The following MAP4 variants were observed in gnomAD, a reference collection of about 807,000 sequenced individuals.
MAP4 encodes the protein microtubule associated protein 4, also known as microtubule-associated protein 4.
MAP4 carries 76 observed loss-of-function variants against 170.2 expected under a neutral mutation model. The ratio of observed to expected loss-of-function variants is 0.45; its 90% CI spans 0.37 to 0.54. The LOEUF is 0.54. MAP4 is among the 20% of genes least tolerant of loss of function. MAP4 has a pLI of 0.00. For missense variants in MAP4, 2,506 were observed against 2,748.0 expected (o/e 0.91, Z 1.97); for synonymous variants, 909 against 994.5 (o/e 0.91, Z 1.62).
chr3:47,925,473 G>A (rs1428658475), intron 4 of MAP4, among the ~76,000 whole-genome samples: 1 of 152,186 alleles, frequency 6.6e-6, no homozygotes, highest in Non-Finnish European at 1.5e-5. Context: ...CTGGGCGACA[G>A]AGGGAGATTC....
intron 2 of MAP4, among the ~76,000 whole-genome samples, chr3:47,981,793 T>C (rs1175572204): frequency 2.0e-5 from 3 of 151,544 alleles, no homozygotes; most frequent in Admixed American, 2.0e-4. Context: ...TTTATTCCCA[T>C]ATATTTACCT....
intron 3 of MAP4, among the ~76,000 whole-genome samples, chr3:47,939,014 T>C (rs1482965186): frequency 6.6e-6 from 1 of 152,216 alleles, no homozygotes; most frequent in Non-Finnish European, 1.5e-5. Flanking sequence ...AGGAAAGTCA[T>C]GCAGTAAGTA....
chr3:47,927,273 C>T (rs2100046584), intron 4 of MAP4, among the ~76,000 whole-genome samples: 1 of 151,888 alleles, frequency 6.6e-6, no homozygotes, highest in African/African-American at 2.4e-5. Flanking sequence ...ACATCACATA[C>T]TAGGTTATTT....
intron 3 of MAP4, among the ~76,000 whole-genome samples, chr3:47,953,725 A>G (rs2100066005): frequency 1.6e-5 from 2 of 124,492 alleles, no homozygotes; most frequent in Non-Finnish European, 3.3e-5. Flanking sequence ...TGAGAAATCC[A>G]TTAGTGAGGT....
At chr3:47,965,620 T>G (rs1484357274) in intron 3 of MAP4, among the ~76,000 whole-genome samples, 1 of 152,232 alleles carries the variant, frequency 6.6e-6, no homozygotes, top group Non-Finnish European at 1.5e-5. Context: ...GATATTTCAT[T>G]GTGGTTTTGA....
rs540792451 is a variant in MAP4 at position 48,086,239 on chromosome 3, C to T, written c.-20+2534G>A. Among the ~76,000 whole-genome samples, 4 of 152,190 alleles carry T rather than the reference C, an allele frequency of 2.6e-5. No homozygotes were observed. The East Asian group carries it at 7.7e-4, about 29-fold the overall frequency. On this transcript the variant is annotated intron_variant, in intron 1 of 18. Transcript: ENST00000360240. ...TCAGGAAGCTGAGGCAGGAGAATCACTTGAACCTGGGAGGCAGAGGTTGCA... is the reference window on the plus strand; with the variant it reads ...TCAGGAAGCTGAGGCAGGAGAATCATTTGAACCTGGGAGGCAGAGGTTGCA...
rs1559494809 is a variant in MAP4 at position 47,928,364 on chromosome 3, CACAAA to C, written c.293-19_293-15del. On this transcript the variant is annotated splice_polypyrimidine_tract_variant and intron_variant, in intron 3 of 20. Transcript: ENST00000683076. ...CAGTTGGAGACCCTTAAAATAGAGA[CACAAA>C]ACAAAAGTTACAAGATATTACAGTT... 1.2e-6 allele frequency: 2 copies of C among 1,613,336 alleles called. No homozygotes were observed. Among genetic ancestry groups the C allele is most frequent in the South Asian group, 2.2e-5 (2 of 90,964 alleles).
chr3:47,900,423 A>G (rs1239891914), intron 10 of MAP4, among the ~76,000 whole-genome samples: 1 of 152,168 alleles, frequency 6.6e-6, no homozygotes, highest in African/African-American at 2.4e-5. Context: ...TGAACCAAAG[A>G]CATGAAAATG....
intron 1 of MAP4, among the ~76,000 whole-genome samples, chr3:48,048,346 G>A (rs557626446): frequency 2.2e-4 from 33 of 151,900 alleles, no homozygotes; most frequent in African/African-American, 7.7e-4. Flanking sequence ...TTTGGATGCT[G>A]TGCCTCCTAA....
At chr3:47,884,701 C>T (rs1478895947) in intron 10 of MAP4, among the ~76,000 whole-genome samples, 2 of 152,124 alleles carry the variant, frequency 1.3e-5, no homozygotes, top group Admixed American at 6.5e-5. Context: ...CTCTGGACTG[C>T]TCTCTGGCTG....
chr3:48,057,968 C>T (rs1196318322), intron 1 of MAP4, among the ~76,000 whole-genome samples: 1 of 152,130 alleles, frequency 6.6e-6, no homozygotes, highest in African/African-American at 2.4e-5. Context: ...AGACTTAAGG[C>T]TGAACTATGA....
At chr3:47,971,317 T>A (rs574442748) in intron 3 of MAP4, among the ~76,000 whole-genome samples, 1 of 152,354 alleles carries the variant, frequency 6.6e-6, no homozygotes, top group South Asian at 2.1e-4. Flanking sequence ...CTCCAATAGC[T>A]GTTCAGAAAC....
At chr3:47,981,029 C>T (rs1189846012) in intron 2 of MAP4, among the ~76,000 whole-genome samples, 1 of 152,078 alleles carries the variant, frequency 6.6e-6, no homozygotes, top group African/African-American at 2.4e-5. Flanking sequence ...AATTTGGCAG[C>T]CTATCAAATT....
chr3:47,999,991 G>A (rs1014630115), intron 1 of MAP4, among the ~76,000 whole-genome samples: 2 of 151,902 alleles, frequency 1.3e-5, no homozygotes, highest in African/African-American at 2.4e-5. Flanking sequence ...GAGGCAGGAG[G>A]ATCACTTGAG....
chr3:48,035,389 T>A (rs777030590), intron 1 of MAP4, among the ~76,000 whole-genome samples: 11 of 151,672 alleles, frequency 7.3e-5, no homozygotes, highest in Non-Finnish European at 1.6e-4. Context: ...ATCCCAGCAC[T>A]TTGGGAGGCC....
intron 1 of MAP4, among the ~76,000 whole-genome samples, chr3:48,065,405 G>A (rs2100137857): frequency 6.6e-6 from 1 of 152,146 alleles, no homozygotes. Flanking sequence ...CATGTGATTT[G>A]TATGCACACT....
chr3:47,952,663 AAAAAAT>A (rs879424782), intron 3 of MAP4, among the ~76,000 whole-genome samples: 10 of 151,498 alleles, frequency 6.6e-5, no homozygotes, highest in African/African-American at 1.2e-4. Flanking sequence ...TAAATTAAAA[AAAAAAT>A]AAAAATAAAA....
chr3:47,885,815 G>A (rs900819223), intron 10 of MAP4, among the ~76,000 whole-genome samples: 1 of 149,250 alleles, frequency 6.7e-6, no homozygotes, highest in African/African-American at 2.5e-5. Flanking sequence ...TGCAAGCTCC[G>A]CCTCCTGGGT....
chr3:47,867,297 C>A lies in MAP4; in HGVS notation c.6450G>T (p.Gln2150His), dbSNP rs1334592674. 1 of 1,613,814 alleles carries A rather than the reference C, an allele frequency of 6.2e-7. No individual in the cohort carries two copies. The highest frequency in any genetic ancestry group is 1.1e-5 in the South Asian group (1 of 91,018). The stretch of plus-strand genomic sequence containing the variant: ...TATTGTCCTTGGAACCACACTTGGA[C>A]TGAATATGGCTGTAGCTCACTTTTT... Reference protein sequence around the residue: ...VSKKVSYSHIQSKCGSKDNIK... With the variant: ...VSKKVSYSHIHSKCGSKDNIK... Residue 2150 changes from glutamine (Q) to histidine (H), a missense_variant, in exon 17 of 21, where the codon CAG (glutamine) becomes CAT (histidine). Physicochemically the swap from Gln to His is conservative, Grantham distance 24. Around this residue, in one of 3 missense-constraint regions of MAP4, gnomAD observed 487 missense variants for 511.6 expected, o/e 0.95. Coordinates refer to ENST00000683076, the MANE Select transcript of MAP4 (RefSeq NM_001385682.1).
Sources: allele counts gnomAD v4.1 joint callset (sites outside exome capture counted in the v4.1 genomes callset), GRCh38; gene constraint gnomAD v4.1.1; regional missense constraint gnomAD v4.1.1; transcripts MANE v1.5; gene names NCBI Gene and HGNC (gene_info 2026-07-23, HGNC 2026-07-21).